Variants in EML1 observed in about 807,000 individuals in gnomAD.
The protein encoded by EML1 is EMAP like 1.
EML1 carries 27 observed loss-of-function variants against 110.4 expected under a neutral mutation model. The ratio of observed to expected loss-of-function variants is 0.24; its 90% confidence interval spans 0.18 to 0.34. The LOEUF is 0.34. Ranked by LOEUF, EML1 falls within the 10% of genes least tolerant of loss-of-function variation. EML1 has a pLI of 1.00. For synonymous variants in EML1, 344 were observed against 385.8 expected (o/e 0.89, Z 1.27); for missense variants, 741 against 1,030.9 (o/e 0.72, Z 3.85).
chr14:99,877,389 C>T (rs2059310443), intron 3 of EML1, among the ~76,000 whole-genome samples: 1 of 152,144 alleles, frequency 6.6e-6, no homozygotes. Flanking sequence ...AACAATCAGC[C>T]TCCACTCCAT....
At chr14:99,871,858 C>T (rs2059210793) in intron 3 of EML1, among the ~76,000 whole-genome samples, 1 of 152,174 alleles carries the variant, frequency 6.6e-6, no homozygotes, top group South Asian at 2.1e-4. Context: ...TAGAGTAGCA[C>T]ACAAACCCTG....
At chr14:99,799,872 C>T (rs966362060) in intron 1 of EML1, among the ~76,000 whole-genome samples, 1 of 152,074 alleles carries the variant, frequency 6.6e-6, no homozygotes, top group African/African-American at 2.4e-5. Context: ...GCGTGAAAAC[C>T]TTCATCATGG....
rs1276928050 is a variant in EML1 at position 99,831,814 on chromosome 14, AT to A, written c.68-19032del. Among the ~76,000 whole-genome samples the A allele has an allele frequency of 2.7e-5, 4 of 148,806 alleles. No homozygotes were observed. The East Asian group carries it at 5.9e-4, about 22-fold the overall frequency. Reference sequence around the variant, plus strand: ...TGCTGAAATCATTAACAAATATACAATTTTTTTCTTTTCATTTTTTACTGAA... The same window carrying A: ...TGCTGAAATCATTAACAAATATACAATTTTTTCTTTTCATTTTTTACTGAA... On this transcript the variant is annotated intron_variant, in intron 1 of 21. Coordinates refer to ENST00000262233, the MANE Select transcript of EML1 (RefSeq NM_004434.3).
intron 17 of EML1, among the ~76,000 whole-genome samples, chr14:99,927,081 T>C (rs2060248200): frequency 6.6e-6 from 1 of 152,208 alleles, no homozygotes. Flanking sequence ...ACAGTATCGT[T>C]GTCTCCTCCC....
At chr14:99,884,235 C>A (rs767823969) in intron 4 of EML1, among the ~76,000 whole-genome samples, 3 of 152,188 alleles carry the variant, frequency 2.0e-5, no homozygotes, top group African/African-American at 7.2e-5. Flanking sequence ...CCCTCCCACT[C>A]CCCTGCTTGC....
intron 1 of EML1, among the ~76,000 whole-genome samples, chr14:99,849,535 A>ATATT (rs1011887178): frequency 7.1e-6 from 1 of 140,222 alleles, no homozygotes; most frequent in African/African-American, 2.6e-5. Context: ...GTGTGTATAT[A>ATATT]TATTTATTTA....
At chr14:99,857,398 A>G (rs567137384) in intron 2 of EML1, among the ~76,000 whole-genome samples, 234 of 152,346 alleles carry the variant, frequency 1.5e-3, no homozygotes, top group African/African-American at 5.5e-3. Context: ...CTAATTGTCC[A>G]ATGAATGACT....
chr14:99,937,603 A>G (rs2060498370), intron 19 of EML1, among the ~76,000 whole-genome samples: 1 of 152,134 alleles, frequency 6.6e-6, no homozygotes, highest in East Asian at 1.9e-4. Context: ...AAAACAAAGA[A>G]GAGGGCACCT....
intron 1 of EML1, among the ~76,000 whole-genome samples, chr14:99,783,485 C>CT (rs59785136): frequency 6.3e-4 from 74 of 117,264 alleles, no homozygotes; most frequent in African/African-American, 2.2e-3. Flanking sequence ...TAAAGGGGTA[C>CT]TTTTTTTTTT....
chr14:99,851,563 T>A (rs1205844291), intron 2 of EML1, among the ~76,000 whole-genome samples: 1 of 152,088 alleles, frequency 6.6e-6, no homozygotes, highest in Admixed American at 6.6e-5. Context: ...CGCCTCGGCC[T>A]CCCAAAGTGC....
chr14:99,797,856 G>A (rs1046368138), intron 1 of EML1, among the ~76,000 whole-genome samples: 10 of 152,310 alleles, frequency 6.6e-5, no homozygotes, highest in Admixed American at 3.9e-4. Context: ...AAAGCAGATA[G>A]ATACAGAGCT....
chr14:99,757,591 T>C (rs1035065912), intron 1 of EML1, among the ~76,000 whole-genome samples: 13 of 152,200 alleles, frequency 8.5e-5, no homozygotes, highest in African/African-American at 3.1e-4. Context: ...TAGCGTTTAA[T>C]AAGCAAAAGC....
chr14:99,871,203 C>T (rs1230833217), intron 3 of EML1, among the ~76,000 whole-genome samples: 1 of 152,178 alleles, frequency 6.6e-6, no homozygotes, highest in Non-Finnish European at 1.5e-5. Context: ...ATGATCTGCC[C>T]TCCTCGGCCT....
intron 1 of EML1, among the ~76,000 whole-genome samples, chr14:99,826,627 A>G (rs2058364636): frequency 6.6e-6 from 1 of 152,072 alleles, no homozygotes; most frequent in South Asian, 2.1e-4. Flanking sequence ...TTGTGAATGG[A>G]CACTTCTTTG....
chr14:99,921,712 C>T (rs572138679), intron 17 of EML1, among the ~76,000 whole-genome samples: 2 of 152,232 alleles, frequency 1.3e-5, no homozygotes, highest in South Asian at 2.1e-4. Context: ...TTGTATATAT[C>T]CCAAAAAGAT....
intron 1 of EML1, among the ~76,000 whole-genome samples, chr14:99,754,388 C>T (rs1198683904): frequency 6.6e-6 from 1 of 152,176 alleles, no homozygotes; most frequent in Non-Finnish European, 1.5e-5. Context: ...GCACGCATGG[C>T]GTTTGAAGCT....
chr14:99,912,688 G>A (rs2059965360), intron 13 of EML1, among the ~76,000 whole-genome samples: 2 of 152,224 alleles, frequency 1.3e-5, no homozygotes, highest in African/African-American at 4.8e-5. Context: ...ATTCTGTTGT[G>A]AGAACATTTT....
In EML1 at chr14:99,885,828, G is replaced by A. The variant is rs182175883; in HGVS notation, c.519-5371G>A. 2.7e-5 allele frequency: 12 copies of A among 449,980 alleles called. No homozygotes were observed. In the East Asian group the frequency reaches 8.4e-4, roughly 32 times the overall value. The allele number at this position is 449,980 out of a possible 1,614,324, so 27.9% of individuals were successfully genotyped here. Reference sequence around the variant, plus strand: ...GCATTGTAACATATCTTATTTAATCGTGCCAATAACCTGTTCCTCACAGTG... The same window carrying A: ...GCATTGTAACATATCTTATTTAATCATGCCAATAACCTGTTCCTCACAGTG... On this transcript the variant is annotated intron_variant, in intron 4 of 21. Coordinates refer to ENST00000262233, the MANE Select transcript of EML1 (RefSeq NM_004434.3).
chr14:99,924,861 CTTATT>C lies in EML1; in HGVS notation c.1909+3990_1909+3994del, dbSNP rs1327358503. Among the ~76,000 whole-genome samples the C allele has an allele frequency of 2.6e-5, 4 of 152,256 alleles. No individual in the cohort carries two copies. In the South Asian group the frequency reaches 8.3e-4, roughly 32 times the overall value. On this transcript the variant is annotated intron_variant, in intron 17 of 21. Transcript: ENST00000262233. ...TTATTATGTGGGTTTCATCCTTCAT[CTTATT>C]TTATTAATATCACTACATTTTATTA...
Sources: gnomAD v4.1 joint callset for allele counts (sites outside exome capture counted in the v4.1 genomes callset) on GRCh38, gnomAD v4.1.1 for gene constraint, MANE v1.5 for transcripts, NCBI Gene and HGNC (gene_info 2026-07-23, HGNC 2026-07-21) for gene names.